The following SPATA6 variants were observed in gnomAD, a reference collection of about 807,000 sequenced individuals.
The protein encoded by SPATA6 is spermatogenesis-associated protein 6.
In SPATA6, 56 loss-of-function variants were observed where a neutral mutation model predicts 65.3. The ratio of observed to expected loss-of-function variants is 0.86; its 90% CI spans 0.69 to 1.07. The LOEUF (loss-of-function observed/expected upper bound fraction) is 1.07. Among genes scored for constraint, SPATA6 ranks in the 50% least tolerant of loss-of-function variants. The pLI, the probability that SPATA6 is intolerant of heterozygous loss-of-function variation, is 0.00. For missense variants in SPATA6, 590 were observed against 594.8 expected, an observed-to-expected ratio of 0.99 and a Z score of 0.08; for synonymous variants, 199 against 213.2, an observed-to-expected ratio of 0.93 and a Z score of 0.58.
At chr1:48,448,348 T>A (rs1240290171) in intron 3 of SPATA6, among the ~76,000 whole-genome samples, 1 of 151,572 alleles carries the variant, frequency 6.6e-6, no homozygotes, top group East Asian at 1.9e-4. Context: ...TCCAAAAACA[T>A]GAAATCTGAA....
intron 1 of SPATA6, among the ~76,000 whole-genome samples, chr1:48,458,048 C>A (rs1323482978): frequency 2.0e-5 from 3 of 148,624 alleles, no homozygotes; most frequent in African/African-American, 7.5e-5. Context: ...TAGTATTAAT[C>A]CATACTAGAT....
chr1:48,438,144 C>T (rs894029351), intron 3 of SPATA6, among the ~76,000 whole-genome samples: 1 of 152,134 alleles, frequency 6.6e-6, no homozygotes, highest in Non-Finnish European at 1.5e-5. Flanking sequence ...TGCTGCTGCT[C>T]ACTCTTTGGG....
chr1:48,315,696 G>C (rs572002805), intron 11 of SPATA6, among the ~76,000 whole-genome samples: 12 of 152,118 alleles, frequency 7.9e-5, no homozygotes, highest in Non-Finnish European at 1.6e-4. Context: ...CCACGGCAAT[G>C]AGGCAGGAGA....
In SPATA6 at chr1:48,366,006, G is replaced by T. The variant is rs183349681; in HGVS notation, c.910-6236C>A. 1.2e-3 allele frequency among the ~76,000 whole-genome samples: 181 copies of T among 152,238 alleles called. 1 individual carries two copies. Among genetic ancestry groups the T allele is most frequent in the Non-Finnish European group, 2.2e-3 (152 of 68,010 alleles). ...CTATTGAGACTTTTTAGCATGAAGCGTTGTTGAATTTTATCAAAGTCTTTT... is the reference window on the plus strand; with the variant it reads ...CTATTGAGACTTTTTAGCATGAAGCTTTGTTGAATTTTATCAAAGTCTTTT... On this transcript the variant is annotated intron_variant, in intron 9 of 12. Coordinates refer to ENST00000371847, the MANE Select transcript of SPATA6 (RefSeq NM_019073.4).
chr1:48,310,851 G>A (rs1359591454), intron 11 of SPATA6, among the ~76,000 whole-genome samples: 2 of 152,042 alleles, frequency 1.3e-5, no homozygotes, highest in African/African-American at 4.8e-5. Context: ...CAATAAATTT[G>A]AAAGAACTGA....
In SPATA6 at chr1:48,408,786, C is replaced by A. The variant is rs551870690; in HGVS notation, c.405+2678G>T. ...GAGAGAGCTTGTGCAAAGAAATTCC[C>A]ATTTTTTAAACCATCAGATCTCATG... is the stretch of plus-strand genomic sequence containing the variant. On this transcript the variant is annotated intron_variant, in intron 5 of 12. Transcript: ENST00000371847. Among the ~76,000 whole-genome samples the A allele has an allele frequency of 8.5e-5, 13 of 152,252 alleles. No homozygotes were observed. In the South Asian group the frequency reaches 1.9e-3, roughly 22 times the overall value.
At chr1:48,266,315 C>G in the SPATA6 span, among the ~76,000 whole-genome samples, 1 of 152,214 alleles carries the variant, frequency 6.6e-6, no homozygotes, top group South Asian at 2.1e-4. Flanking sequence ...GGGAAAAGTT[C>G]TATAGACTAT....
At chr1:48,452,684 G>A (rs920201962) in intron 2 of SPATA6, among the ~76,000 whole-genome samples, 1 of 152,074 alleles carries the variant, frequency 6.6e-6, no homozygotes, top group African/African-American at 2.4e-5. Flanking sequence ...GCACACGGCT[G>A]ATATATTCTT....
In SPATA6 at chr1:48,395,339, G is replaced by C; in HGVS notation, c.796C>G (p.Pro266Ala). ...FVIRHVDPPS[P>A]RADTLLGSSG... Reference sequence around the variant, plus strand: ...GATCCCAATAAAGTATCAGCCCTGGGACTTGGGGGATCAACCTAGAGGAAG... The same window carrying C: ...GATCCCAATAAAGTATCAGCCCTGGCACTTGGGGGATCAACCTAGAGGAAG... Residue 266 changes from proline (P) to alanine (A), a missense_variant, in exon 8 of 13, where the codon CCC (proline) becomes GCC (alanine). Pro to Ala is a conservative substitution (Grantham distance 27). Coordinates refer to ENST00000371847, the MANE Select transcript of SPATA6 (RefSeq NM_019073.4). 6.4e-7 allele frequency: 1 copy of C among 1,558,828 alleles called. No homozygotes were observed. Among genetic ancestry groups the C allele is most frequent in the Non-Finnish European group, 8.7e-7 (1 of 1,150,772 alleles).
chr1:48,446,347 G>A lies in SPATA6; in HGVS notation c.238+5205C>T, dbSNP rs144552766. ...ATAGCAGGGAGGCTATTTACGGGGA[G>A]GTATTTCATCAGAAGCTTCACTATA... On this transcript the variant is annotated intron_variant, in intron 3 of 12. Coordinates refer to ENST00000371847, the MANE Select transcript of SPATA6 (RefSeq NM_019073.4). 9.8e-4 allele frequency among the ~76,000 whole-genome samples: 149 copies of A among 152,268 alleles called. 1 individual carries two copies. The highest frequency in any genetic ancestry group is 3.5e-3 in the African/African-American group (145 of 41,542).
intron 4 of SPATA6, among the ~76,000 whole-genome samples, chr1:48,412,351 A>C (rs1014946238): frequency 1.3e-5 from 2 of 152,192 alleles, no homozygotes; most frequent in Non-Finnish European, 2.9e-5. Flanking sequence ...CACAAAAACA[A>C]TGATAATTAA....
downstream of SPATA6, among the ~76,000 whole-genome samples, chr1:48,292,491 A>G (rs1463992822): frequency 2.6e-5 from 4 of 152,222 alleles, no homozygotes; most frequent in Non-Finnish European, 5.9e-5. Context: ...TTGGCAGTCA[A>G]GACTGGGGAG....
At chr1:48,404,382 A>C (rs1056073267) in intron 5 of SPATA6, among the ~76,000 whole-genome samples, 7 of 152,210 alleles carry the variant, frequency 4.6e-5, no homozygotes, top group Admixed American at 6.5e-5. Flanking sequence ...TCTTAGAGAC[A>C]AGGTCTCTGG....
rs1646641242 is a variant in SPATA6, at chr1:48,355,742, T to A, written c.1122A>T (p.Ser374=). ...ERFHSDWCSP[S]NCDEIHDRVK... Reference sequence around the variant, plus strand: ...CCCGGTCATGGATCTCATCGCAGTTTGAAGGTGAACACCAATCAGAATGAA... The same window carrying A: ...CCCGGTCATGGATCTCATCGCAGTTAGAAGGTGAACACCAATCAGAATGAA... Residue 374 remains serine, a synonymous_variant, in exon 11 of 13, where the codon TCA becomes TCT. Coordinates refer to ENST00000371847, the MANE Select transcript of SPATA6 (RefSeq NM_019073.4). The A allele has an allele frequency of 6.2e-7, 1 of 1,613,340 alleles. No individual in the cohort carries two copies. The highest frequency in any genetic ancestry group is 8.5e-7 in the Non-Finnish European group (1 of 1,179,520).
intron 11 of SPATA6, among the ~76,000 whole-genome samples, chr1:48,335,542 G>T (rs1230667210): frequency 6.6e-6 from 1 of 152,064 alleles, no homozygotes; most frequent in African/African-American, 2.4e-5. Flanking sequence ...AATGGGGAAA[G>T]GACTCCCTAC....
At chr1:48,278,985 G>A in the SPATA6 span, among the ~76,000 whole-genome samples, 93 of 152,226 alleles carry the variant, frequency 6.1e-4, no homozygotes, top group African/African-American at 2.0e-3. Flanking sequence ...CGGATCTCTC[G>A]GCAGAAACTC....
chr1:48,271,964 T>C, the SPATA6 span, among the ~76,000 whole-genome samples: 3 of 152,152 alleles, frequency 2.0e-5, no homozygotes, highest in Non-Finnish European at 4.4e-5. Context: ...AATCCTGATT[T>C]ATCTCACTCT....
chr1:48,441,369 C>T (rs1381286103), intron 3 of SPATA6, among the ~76,000 whole-genome samples: 1 of 152,236 alleles, frequency 6.6e-6, no homozygotes, highest in Non-Finnish European at 1.5e-5. Flanking sequence ...CTGGGACAGC[C>T]TGTAATCAGG....
intron 11 of SPATA6, among the ~76,000 whole-genome samples, chr1:48,324,468 G>C (rs188782174): frequency 6.6e-6 from 1 of 152,122 alleles, no homozygotes; most frequent in Admixed American, 6.5e-5. Flanking sequence ...AATCGAATTT[G>C]ACAATACATT....
Sources: allele counts gnomAD v4.1 joint callset (sites outside exome capture counted in the v4.1 genomes callset), GRCh38; gene constraint gnomAD v4.1.1; transcripts MANE v1.5; gene names NCBI Gene and HGNC (gene_info 2026-07-23, HGNC 2026-07-21).